SAMD3: variants seen among roughly 807,000 people sequenced by gnomAD.
The protein encoded by SAMD3 is sterile alpha motif domain-containing protein 3.
Under a neutral mutation model 58.5 loss-of-function variants are expected in SAMD3, and 63 were observed. The ratio of observed to expected loss-of-function variants is 1.08; its 90% CI spans 0.88 to 1.33. The LOEUF (loss-of-function observed/expected upper bound fraction) is 1.33, where lower values mean the gene tolerates loss of function less well. Ranked by LOEUF, SAMD3 falls within the 40% of genes most tolerant of loss-of-function variation. The pLI, the probability that SAMD3 is intolerant of heterozygous loss-of-function variation, is 0.00. For synonymous variants in SAMD3, 220 were observed against 210.3 expected (o/e 1.05, Z -0.40); for missense variants, 604 against 608.4 (o/e 0.99, Z 0.08).
intron 11 of SAMD3, 126 bp downstream of exon 11, chr6:130,145,214 C>A (rs1402044853): frequency 8.5e-6 from 4 of 471,794 alleles, no homozygotes; most frequent in Non-Finnish European, 1.4e-5. Flanking sequence ...GCCAAGATCA[C>A]GCCATTGTAC....
intron 2 of SAMD3, among the ~76,000 whole-genome samples, chr6:130,237,639 T>C (rs1773207969): frequency 6.6e-6 from 1 of 152,156 alleles, no homozygotes; most frequent in African/African-American, 2.4e-5. Context: ...TTCACCTTAA[T>C]CCTTTGAAGT....
In SAMD3 at chr6:130,205,579, C is replaced by CA. The variant is rs1349569182; in HGVS notation, c.383+3915dup. On this transcript the variant is annotated intron_variant, in intron 5 of 11. Transcript: ENST00000439090. Reference sequence around the variant, plus strand: ...TCAGCCTCCCAGAGTGCTGGGATTACAGGCATGAGCCACCATGCTCAGCCC... The same window carrying CA: ...TCAGCCTCCCAGAGTGCTGGGATTACAAGGCATGAGCCACCATGCTCAGCCC... Among the ~76,000 whole-genome samples the CA allele has an allele frequency of 7.2e-5, 11 of 152,012 alleles. No individual in the cohort carries two copies. In the South Asian group the frequency reaches 1.7e-3, roughly 23 times the overall value.
intron 8 of SAMD3, among the ~76,000 whole-genome samples, chr6:130,163,063 C>T (rs188125178): frequency 1.3e-5 from 2 of 152,178 alleles, no homozygotes; most frequent in East Asian, 3.9e-4. Flanking sequence ...CAGGCATGTG[C>T]CACTGAACCT....
chr6:130,323,562 G>T (rs1447127522), intron 1 of SAMD3, among the ~76,000 whole-genome samples: 2 of 151,808 alleles, frequency 1.3e-5, no homozygotes, highest in Admixed American at 6.6e-5. Context: ...TAGCACTTTG[G>T]GAGGCCAAGG....
At chr6:130,180,941 T>TTC (rs1582818388) in intron 7 of SAMD3, among the ~76,000 whole-genome samples, 1 of 64,296 alleles carries the variant, frequency 1.6e-5, no homozygotes, top group East Asian at 8.1e-4. Context: ...TCTTTTTTCT[T>TTC]TTTCTTTCTT....
intron 1 of SAMD3, among the ~76,000 whole-genome samples, chr6:130,341,507 T>C (rs1450169869): frequency 2.6e-5 from 4 of 152,204 alleles, no homozygotes; most frequent in Admixed American, 2.6e-4. Flanking sequence ...TGAAGCCCAC[T>C]CCAGCTTAAA....
chr6:130,298,161 T>A (rs546653316), intron 2 of SAMD3, among the ~76,000 whole-genome samples: 1 of 152,100 alleles, frequency 6.6e-6, no homozygotes, highest in African/African-American at 2.4e-5. Flanking sequence ...ATAAAGGAAA[T>A]CCCATCAGAC....
At chr6:130,214,678 T>TC in intron 3 of SAMD3, 152 bp from the exon 4 acceptor site, 4 of 534,520 alleles carry the variant, frequency 7.5e-6, no homozygotes, top group Non-Finnish European at 1.3e-5. Flanking sequence ...AAGATAAAAC[T>TC]CCAATGTTGC....
At chr6:130,319,247 A>T (rs997623659) in intron 1 of SAMD3, among the ~76,000 whole-genome samples, 1 of 152,198 alleles carries the variant, frequency 6.6e-6, no homozygotes, top group South Asian at 2.1e-4. Flanking sequence ...ATTACTAAAA[A>T]CATTTCCAAA....
intron 1 of SAMD3, among the ~76,000 whole-genome samples, chr6:130,354,057 C>T (rs1261520743): frequency 1.3e-5 from 2 of 152,074 alleles, no homozygotes; most frequent in African/African-American, 2.4e-5. Flanking sequence ...ATGCAGCCAA[C>T]GAGCATATGA....
chr6:130,305,903 C>T (rs534133917), intron 2 of SAMD3, among the ~76,000 whole-genome samples: 4 of 152,340 alleles, frequency 2.6e-5, no homozygotes, highest in South Asian at 4.1e-4. Context: ...ATTTATTTCT[C>T]CTATTTCTGA....
Position 130,279,431 on chromosome 6 carries a change from T to C in SAMD3, c.-188+33547A>G, listed in dbSNP as rs141918670. ...CCCTGTAAAGAGGTGCCTTCCTCCA[T>C]GATTGTAAGTTTCCTGAGGCCTCCC... On this transcript the variant is annotated intron_variant, in intron 2 of 13. Transcript: ENST00000368134. Among the ~76,000 whole-genome samples, 720 of 151,962 alleles carry C rather than the reference T, an allele frequency of 4.7e-3. 9 individuals are homozygous for C. The highest frequency in any genetic ancestry group is 0.017 in the African/African-American group (684 of 41,442).
At position 130,251,311 on chromosome 6, in the gene SAMD3, T is replaced by C. The variant is rs538702353; in HGVS notation, c.-187-28498A>G. On this transcript the variant is annotated intron_variant, in intron 2 of 13. Coordinates refer to the SAMD3 transcript ENST00000368134. ...ACTCTTGAGTTGTAAGAGTTATTTA[T>C]ACATTCTTGATTCTATATCTTTTCA... Among the ~76,000 whole-genome samples, 24 of 152,324 alleles carry C rather than the reference T, an allele frequency of 1.6e-4. 1 individual carries two copies. The Middle Eastern group carries it at 0.01, about 65-fold the overall frequency.
chr6:130,230,957 C>A (rs1463790139), intron 2 of SAMD3, among the ~76,000 whole-genome samples: 1 of 152,076 alleles, frequency 6.6e-6, no homozygotes, highest in Non-Finnish European at 1.5e-5. Context: ...CAGTGTCTTG[C>A]CCCTCAGTTT....
At chr6:130,157,543 G>A (rs1327463836) in intron 8 of SAMD3, among the ~76,000 whole-genome samples, 1 of 152,102 alleles carries the variant, frequency 6.6e-6, no homozygotes, top group African/African-American at 2.4e-5. Flanking sequence ...GCCCAGGCTG[G>A]TCTTGAACCC....
At chr6:130,269,592 T>C (rs1018152973) in intron 2 of SAMD3, among the ~76,000 whole-genome samples, 2 of 152,148 alleles carry the variant, frequency 1.3e-5, no homozygotes, top group African/African-American at 2.4e-5. Flanking sequence ...TGGTAATATG[T>C]GTCTTCTCTC....
At chr6:130,317,675 A>G (rs754834915) in intron 1 of SAMD3, among the ~76,000 whole-genome samples, 1 of 152,238 alleles carries the variant, frequency 6.6e-6, no homozygotes, top group Non-Finnish European at 1.5e-5. Flanking sequence ...TCAAGATGGA[A>G]TGACAGGGAC....
intron 2 of SAMD3, among the ~76,000 whole-genome samples, chr6:130,232,894 A>G (rs899184093): frequency 9.9e-5 from 15 of 152,210 alleles, no homozygotes; most frequent in African/African-American, 3.4e-4. Context: ...TGCTTTTTGA[A>G]GGAATTGGCC....
At chr6:130,358,659 T>A (rs1777901794) in intron 1 of SAMD3, among the ~76,000 whole-genome samples, 1 of 151,994 alleles carries the variant, frequency 6.6e-6, no homozygotes, top group South Asian at 2.1e-4. Context: ...AGTAATACCC[T>A]TACTCTTCAA....
Sources: gnomAD v4.1 joint callset for allele counts (sites outside exome capture counted in the v4.1 genomes callset) on GRCh38, gnomAD v4.1.1 for gene constraint, MANE v1.5 for transcripts, NCBI Gene and HGNC (gene_info 2026-07-23, HGNC 2026-07-21) for gene names.